The following ABCC1 variants were observed in gnomAD, a reference collection of about 807,000 sequenced individuals.
The protein encoded by ABCC1 is ATP binding cassette subfamily C member 1 (ABCC1 blood group).
ABCC1 carries 83 observed loss-of-function variants against 172.9 expected under a neutral mutation model. The ratio of observed to expected loss-of-function variants is 0.48; its 90% confidence interval spans 0.40 to 0.58. ABCC1 has a LOEUF of 0.58. Ranked by LOEUF, ABCC1 falls within the 20% of genes least tolerant of loss-of-function variation. ABCC1 has a pLI of 0.00. For missense variants in ABCC1, 1,817 were observed against 2,002.7 expected, an observed-to-expected ratio of 0.91 and a Z score of 1.77; for synonymous variants, 937 against 825.2, an observed-to-expected ratio of 1.14 and a Z score of -2.32.
At chr16:16,012,340 C>T (rs1405384227) in intron 3 of ABCC1, among the ~76,000 whole-genome samples, 1 of 152,144 alleles carries the variant, frequency 6.6e-6, no homozygotes, top group Admixed American at 6.6e-5. Context: ...TTTGATTCCC[C>T]TTTGTGTCCT....
chr16:15,994,601 A>AT (rs1305652806), intron 1 of ABCC1, among the ~76,000 whole-genome samples: 1 of 152,042 alleles, frequency 6.6e-6, no homozygotes, highest in Non-Finnish European at 1.5e-5. Flanking sequence ...CTATTTATTT[A>AT]TTTGAAGTGC....
At chr16:16,079,330 C>T (rs1288635982) in intron 15 of ABCC1, 22 bp from the exon 16 acceptor site, 3 of 1,612,006 alleles carry the variant, frequency 1.9e-6, no homozygotes. Flanking sequence ...GTGGCTGAGC[C>T]AGGTGTGTTG....
chr16:15,950,176 T>C (rs1243146567), intron 1 of ABCC1, among the ~76,000 whole-genome samples: 1 of 151,932 alleles, frequency 6.6e-6, no homozygotes, highest in Non-Finnish European at 1.5e-5. Context: ...CTGCTTCTGT[T>C]TTCCCATCTT....
At chr16:15,967,081 G>A (rs1451270511) in intron 1 of ABCC1, among the ~76,000 whole-genome samples, 1 of 152,110 alleles carries the variant, frequency 6.6e-6, no homozygotes, top group Non-Finnish European at 1.5e-5. Context: ...GGACAAAGCT[G>A]GCCTATGTCC....
intron 19 of ABCC1, 64 bp downstream of exon 19, chr16:16,090,652 C>T: frequency 3.4e-6 from 5 of 1,465,476 alleles, no homozygotes; most frequent in Non-Finnish European, 4.5e-6. Flanking sequence ...CCACATTGGC[C>T]TCTTTGAGGT....
rs781587882 is a variant in ABCC1 at position 15,992,038 on chromosome 16, C to T, written c.49-15778C>T. ...AGCCGCTCCCCATCTTTTGCATCAC[C>T]GCCTGAGCTCTGCCTCCTGTCAGAT... On this transcript the variant is annotated intron_variant, in intron 1 of 30. Transcript: ENST00000399410. Among the ~76,000 whole-genome samples, 104 of 152,096 alleles carry T rather than the reference C, an allele frequency of 6.8e-4. 1 individual carries two copies. The highest frequency in any genetic ancestry group is 1.2e-3 in the Non-Finnish European group (79 of 68,010).
At chr16:15,981,241 C>T (rs1216580738) in intron 1 of ABCC1, among the ~76,000 whole-genome samples, 1 of 152,214 alleles carries the variant, frequency 6.6e-6, no homozygotes, top group East Asian at 1.9e-4. Flanking sequence ...TACCATTCTG[C>T]AGTCTGGAGG....
intron 24 of ABCC1, 74 bp downstream of exon 24, chr16:16,122,248 C>A: frequency 6.5e-7 from 1 of 1,536,672 alleles, no homozygotes; most frequent in Non-Finnish European, 8.9e-7. Context: ...TCGATCTTTT[C>A]CTCGCACCTT....
chr16:16,105,416 C>T (rs2052037426), intron 20 of ABCC1: 1 of 152,234 alleles, frequency 6.6e-6, no homozygotes, highest in African/African-American at 2.4e-5. Flanking sequence ...GGGCCACTTC[C>T]ACCTCACTAG....
intron 12 of ABCC1, among the ~76,000 whole-genome samples, chr16:16,067,368 T>C (rs1182574431): frequency 6.6e-6 from 1 of 152,196 alleles, no homozygotes; most frequent in Non-Finnish European, 1.5e-5. Context: ...GGGACCGGGC[T>C]CTCGCTTGTG....
chr16:16,002,570 T>C (rs1372520412), intron 1 of ABCC1, among the ~76,000 whole-genome samples: 1 of 152,116 alleles, frequency 6.6e-6, no homozygotes, highest in Admixed American at 6.6e-5. Context: ...CTCAGGACTT[T>C]GAGACCAGCC....
chr16:16,008,960 T>G (rs2047665274), intron 2 of ABCC1, among the ~76,000 whole-genome samples: 1 of 150,174 alleles, frequency 6.7e-6, no homozygotes, highest in Admixed American at 6.7e-5. Context: ...TTGTTTTTTG[T>G]TTTTTTTTGA....
Position 16,068,381 on chromosome 16 carries a change from C to T in ABCC1, c.1824+79C>T, listed in dbSNP as rs1011785293. The T allele has an allele frequency of 6.5e-6, 10 of 1,542,968 alleles. No homozygotes were observed. In the South Asian group the frequency reaches 6.8e-5, roughly 10 times the overall value. Reference sequence around the variant, plus strand: ...ACGAAAGCATGGAAGTGCCCCCGAGCGCAGCCTCTAGATCACACTCCCGGT... The same window carrying T: ...ACGAAAGCATGGAAGTGCCCCCGAGTGCAGCCTCTAGATCACACTCCCGGT... On this transcript the variant is annotated intron_variant, in intron 13 of 30. Coordinates refer to ENST00000399410, the MANE Select transcript of ABCC1 (RefSeq NM_004996.4).
At chr16:16,095,666 C>G (rs1477734346) in intron 19 of ABCC1, among the ~76,000 whole-genome samples, 3 of 152,074 alleles carry the variant, frequency 2.0e-5, no homozygotes, top group African/African-American at 7.2e-5. Context: ...GGCCATTTTT[C>G]TCTTTTAAAA....
At chr16:16,004,262 C>T (rs1473063377) in intron 1 of ABCC1, among the ~76,000 whole-genome samples, 1 of 151,944 alleles carries the variant, frequency 6.6e-6, no homozygotes, top group African/African-American at 2.4e-5. Context: ...TAATTTGGGG[C>T]TAGGATCAGG....
intron 7 of ABCC1, among the ~76,000 whole-genome samples, chr16:16,038,043 A>AGGATGGATGGAT (rs150697316): frequency 0.2 from 29,733 of 151,640 alleles, 3,460 homozygotes; most frequent in African/African-American, 0.32. Flanking sequence ...CAGAACTAGT[A>AGGATGGATGGAT]GGATGGATGG....
At position 16,068,260 on chromosome 16, in the gene ABCC1, T is replaced by G; in HGVS notation, c.1782T>G (p.Phe594Leu). ...VSLALFNILR[F>L]PLNILPMVIS... The stretch of plus-strand genomic sequence containing the variant: ...TGGCCTTGTTCAACATCCTCCGGTT[T>G]CCCCTGAACATTCTCCCCATGGTCA... The change falls in exon 13 of 31, where the codon TTT becomes TTG. Residue 594 changes from phenylalanine to leucine, a missense_variant. This residue lies in a region of ABCC1 where 1,412 missense variants were observed against 1,600.3 expected (regional missense o/e 0.88). Transcript: ENST00000399410. 6.2e-7 allele frequency: 1 copy of G among 1,614,106 alleles called. No homozygotes were observed. The highest frequency in any genetic ancestry group is 8.5e-7 in the Non-Finnish European group (1 of 1,180,022).
chr16:16,089,880 C>CAA (rs5815856), intron 18 of ABCC1, among the ~76,000 whole-genome samples: 18,057 of 104,040 alleles, frequency 0.17, 1,197 homozygotes, highest in Middle Eastern at 0.33. Flanking sequence ...AACTCTGTCT[C>CAA]AAAAAAAAAA....
chr16:16,053,087 A>G (rs544947279), intron 11 of ABCC1, among the ~76,000 whole-genome samples: 2 of 152,260 alleles, frequency 1.3e-5, no homozygotes, highest in South Asian at 2.1e-4. Context: ...CTCCTGACAC[A>G]TGGTTAGACC....
Sources: allele counts gnomAD v4.1 joint callset (sites outside exome capture counted in the v4.1 genomes callset), GRCh38; gene constraint gnomAD v4.1.1; regional missense constraint gnomAD v4.1.1; transcripts MANE v1.5; gene names NCBI Gene and HGNC (gene_info 2026-07-23, HGNC 2026-07-21).